OSBPL1A: variants seen among roughly 807,000 people sequenced by gnomAD.
OSBPL1A encodes the protein oxysterol binding protein like 1A, also known as oxysterol-binding protein-related protein 1.
A neutral mutation model predicts 137.1 loss-of-function variants in OSBPL1A; 80 were observed. That is an observed-to-expected ratio of 0.58 (90% confidence interval 0.49 to 0.70). The LOEUF is 0.70. OSBPL1A is among the 30% of genes least tolerant of loss of function. The pLI is 0.00. For synonymous variants in OSBPL1A, 365 were observed against 389.7 expected (o/e 0.94, Z 0.75); for missense variants, 970 against 1,129.4 (o/e 0.86, Z 2.02).
chr18:24,368,035 T>TTTATTATTTTTA lies in OSBPL1A; in HGVS notation c.207+251_207+252insTAAAAATAATAA, dbSNP rs1905286064. 4 of 280,548 alleles carry TTTATTATTTTTA rather than the reference T, an allele frequency of 1.4e-5. No homozygotes were observed. The Admixed American group carries it at 1.9e-4, about 14-fold the overall frequency. 17.4% of individuals were successfully genotyped at this position (280,548 alleles called of 1,614,324 possible). Reference sequence around the variant, plus strand: ...TCAGAACTGAAAATAAAATCTTCATTAATATGCCTACTTTTATTATTTTTA... The same window carrying TTTATTATTTTTA: ...TCAGAACTGAAAATAAAATCTTCATTTTATTATTTTTAAATATGCCTACTTTTATTATTTTTA... On this transcript the variant is annotated intron_variant, in intron 3 of 27. Transcript: ENST00000319481.
Position 24,303,493 on chromosome 18 carries a change from C to T in OSBPL1A, c.1174+144G>A, listed in dbSNP as rs2090442642. On this transcript the variant is annotated intron_variant, in intron 14 of 27. Coordinates refer to ENST00000319481, the MANE Select transcript of OSBPL1A (RefSeq NM_080597.4). ...CTGTGAGTAGAAACTTTAAATTGCC[C>T]TTTTAAAGTTTCAAAATAGTTTTAT... 3 of 543,232 alleles carry T rather than the reference C, an allele frequency of 5.5e-6. No homozygotes were observed. In the East Asian group the frequency reaches 8.5e-5, roughly 15 times the overall value. The allele number at this position is 543,232 out of a possible 1,614,324, so 33.7% of individuals were successfully genotyped here. A position where few individuals can be genotyped will look rare whatever the true frequency, so the allele number is the denominator to read the frequency against.
chr18:24,285,127 C>A (rs138640905), intron 14 of OSBPL1A, among the ~76,000 whole-genome samples: 11 of 152,284 alleles, frequency 7.2e-5, no homozygotes, highest in Non-Finnish European at 1.0e-4. Context: ...ACTCCAACAG[C>A]GGCCACACCC....
chr18:24,313,859 T>C (rs1023781927), intron 12 of OSBPL1A, among the ~76,000 whole-genome samples: 2 of 152,206 alleles, frequency 1.3e-5, no homozygotes, highest in African/African-American at 4.8e-5. Context: ...CCCAGCACTT[T>C]GGGAGGCCAA....
chr18:24,189,451 G>A (rs936097559), intron 18 of OSBPL1A, among the ~76,000 whole-genome samples: 7 of 152,118 alleles, frequency 4.6e-5, no homozygotes, highest in Non-Finnish European at 7.4e-5. Flanking sequence ...CCCAGGGCTC[G>A]CTCCACTGAC....
intron 13 of OSBPL1A, among the ~76,000 whole-genome samples, chr18:24,310,601 CAAAAA>C: frequency 1.9e-5 from 1 of 53,018 alleles, no homozygotes; most frequent in South Asian, 7.6e-4. Flanking sequence ...GACTCCGTCT[CAAAAA>C]AAAAAAAAAA....
intron 4 of OSBPL1A, among the ~76,000 whole-genome samples, chr18:24,341,897 TG>T (rs1335218591): frequency 6.6e-6 from 1 of 152,236 alleles, no homozygotes; most frequent in African/African-American, 2.4e-5. Flanking sequence ...TTGATTTTTA[TG>T]TAAACTATCT....
At position 24,381,275 on chromosome 18, in the gene OSBPL1A, C is replaced by G. The variant is rs528055055; in HGVS notation, c.-2-3740G>C. Among the ~76,000 whole-genome samples, 62 of 152,256 alleles carry G rather than the reference C, an allele frequency of 4.1e-4. 1 individual carries two copies. Among genetic ancestry groups the G allele is most frequent in the African/African-American group, 1.3e-3 (56 of 41,546 alleles). On this transcript the variant is annotated intron_variant, in intron 1 of 27. Transcript: ENST00000319481. ...AGGGGCAAAGGGGATTCTGGGTAAA[C>G]CAAACTAACAGGGTTGTTGCTGAAG...
intron 7 of OSBPL1A, among the ~76,000 whole-genome samples, chr18:24,322,489 G>C (rs2090885076): frequency 6.6e-6 from 1 of 151,938 alleles, no homozygotes; most frequent in Non-Finnish European, 1.5e-5. Flanking sequence ...CCTGGGGCTG[G>C]TGATACATTA....
intron 15 of OSBPL1A, among the ~76,000 whole-genome samples, chr18:24,246,366 C>G (rs2088886651): frequency 6.6e-6 from 1 of 152,070 alleles, no homozygotes; most frequent in Non-Finnish European, 1.5e-5. Flanking sequence ...AGCTGAAACT[C>G]TGGTTTTGAC....
intron 23 of OSBPL1A, among the ~76,000 whole-genome samples, chr18:24,171,143 T>C (rs534746543): frequency 2.1e-4 from 32 of 152,036 alleles, no homozygotes; most frequent in African/African-American, 7.7e-4. Flanking sequence ...CAAGCAATTC[T>C]CCTGCCTCAG....
At chr18:24,296,476 C>T (rs890782934) in intron 14 of OSBPL1A, among the ~76,000 whole-genome samples, 1 of 152,044 alleles carries the variant, frequency 6.6e-6, no homozygotes, top group Non-Finnish European at 1.5e-5. Flanking sequence ...TCCTCTTTTC[C>T]ACATAGATGC....
intron 5 of OSBPL1A, among the ~76,000 whole-genome samples, chr18:24,336,209 G>T (rs998866517): frequency 6.6e-6 from 1 of 152,074 alleles, no homozygotes; most frequent in South Asian, 2.1e-4. Flanking sequence ...ATGCATAGTT[G>T]GTCAATAAAT....
intron 18 of OSBPL1A, among the ~76,000 whole-genome samples, chr18:24,190,550 G>C (rs1301685066): frequency 6.6e-6 from 1 of 152,144 alleles, no homozygotes; most frequent in Admixed American, 6.5e-5. Context: ...TCAGTTAAGA[G>C]AAAGACACGA....
chr18:24,302,995 G>GTGT (rs1555647758), intron 14 of OSBPL1A, among the ~76,000 whole-genome samples: 2 of 151,352 alleles, frequency 1.3e-5, no homozygotes, highest in African/African-American at 4.9e-5. Context: ...GTGTGTGTGT[G>GTGT]GGTGTGTCTG....
chr18:24,271,739 G>T lies in OSBPL1A; in HGVS notation c.1281+9103C>A, dbSNP rs936020389. On this transcript the variant is annotated intron_variant, in intron 15 of 27. Coordinates refer to ENST00000319481, the MANE Select transcript of OSBPL1A (RefSeq NM_080597.4). The surrounding 1 kb of genome is among the most constrained non-coding windows in gnomAD (Gnocchi z 4.0). Reference sequence around the variant, plus strand: ...CCCTCCAGTCGAGCCGAGGCGAGCCGATCCGGGAGGCGCGACCCAGGGCGG... The same window carrying T: ...CCCTCCAGTCGAGCCGAGGCGAGCCTATCCGGGAGGCGCGACCCAGGGCGG... 1 of 985,604 alleles carries T rather than the reference G, an allele frequency of 1.0e-6. No individual in the cohort carries two copies. The highest frequency in any genetic ancestry group is 1.7e-5 in the African/African-American group (1 of 57,352). 61.1% of individuals were successfully genotyped at this position (985,604 alleles called of 1,614,324 possible). A position where few individuals can be genotyped will look rare whatever the true frequency, so the allele number is the denominator to read the frequency against.
intron 17 of OSBPL1A, among the ~76,000 whole-genome samples, chr18:24,211,905 T>C (rs1032348996): frequency 1.1e-4 from 12 of 109,696 alleles, no homozygotes; most frequent in Non-Finnish European, 2.2e-4. Context: ...CGAAACTCCA[T>C]CTCAAAAAAA....
chr18:24,347,841 GAAAAAAAAAAAA>G (rs34599277), intron 4 of OSBPL1A: 2 of 55,744 alleles, frequency 3.6e-5, no homozygotes, highest in Non-Finnish European at 6.4e-5. Context: ...CACTCCATCT[GAAAAAAAAAAAA>G]AAAAAAAAAA....
chr18:24,175,121 T>TATATAC (rs1555625064), intron 21 of OSBPL1A, among the ~76,000 whole-genome samples: 2 of 128,970 alleles, frequency 1.6e-5, no homozygotes, highest in African/African-American at 3.6e-5. Flanking sequence ...TATATATATA[T>TATATAC]ATATATATAT....
At chr18:24,254,414 AT>A (rs1252282370) in intron 15 of OSBPL1A, among the ~76,000 whole-genome samples, 2 of 152,214 alleles carry the variant, frequency 1.3e-5, no homozygotes, top group African/African-American at 2.4e-5. Flanking sequence ...TCCTCAGTAC[AT>A]GTATCATTCT....
Sources: gnomAD v4.1 joint callset for allele counts (sites outside exome capture counted in the v4.1 genomes callset) on GRCh38, gnomAD v4.1.1 for gene constraint, Gnocchi (gnomAD v3.1) non-coding constraint, MANE v1.5 for transcripts, NCBI Gene and HGNC (gene_info 2026-07-23, HGNC 2026-07-21) for gene names.